Variants in ZSWIM3 observed in about 807,000 individuals in gnomAD.
ZSWIM3 encodes the protein zinc finger SWIM domain-containing protein 3.
A neutral mutation model predicts 47.5 loss-of-function variants in ZSWIM3; 27 were observed. The observed-to-expected ratio is 0.57, with a 90% CI of 0.42 to 0.78. The LOEUF is 0.78. ZSWIM3 is among the 30% of genes least tolerant of loss of function. The pLI, the probability that ZSWIM3 is intolerant of heterozygous loss-of-function variation, is 0.00. For missense variants in ZSWIM3, 689 were observed against 861.3 expected (o/e 0.80, Z 2.50); for synonymous variants, 333 against 333.9 (o/e 1.00, Z 0.03).
At chr20:45,869,623 G>A (rs369001973) in intron 1 of ZSWIM3, among the ~76,000 whole-genome samples, 2 of 152,222 alleles carry the variant, frequency 1.3e-5, no homozygotes, top group Non-Finnish European at 2.9e-5. Context: ...GCCCAGAGGT[G>A]GGCCTCCAAA....
intron 1 of ZSWIM3, among the ~76,000 whole-genome samples, chr20:45,870,332 T>G (rs978215369): frequency 3.9e-5 from 5 of 128,270 alleles, no homozygotes; most frequent in African/African-American, 1.3e-4. Context: ...AGAGGGAGAC[T>G]CCGTCTCAAA....
At chr20:45,859,382 C>T (rs1208175441) in intron 1 of ZSWIM3, among the ~76,000 whole-genome samples, 1 of 139,356 alleles carries the variant, frequency 7.2e-6, no homozygotes, top group Non-Finnish European at 1.5e-5. Flanking sequence ...AACTTGAACT[C>T]AAGCAAACTG....
At chr20:45,873,332 C>T (rs926155665) in intron 1 of ZSWIM3, among the ~76,000 whole-genome samples, 4 of 151,972 alleles carry the variant, frequency 2.6e-5, no homozygotes, top group Non-Finnish European at 4.4e-5. Context: ...ACTCAGGAGG[C>T]AGAGGTTGCA....
Position 45,876,798 on chromosome 20 carries a change from G to A in ZSWIM3, c.240G>A (p.Leu80=), listed in dbSNP as rs192468436. The stretch of plus-strand genomic sequence containing the variant: ...AGGCAGACATGTGCCCAGCGTACTT[G>A]CTCCTAAGGTACAACGAGAGACTAG... ...TREADMCPAY[L]LLRYNERLDR... is the part of the protein sequence containing the mutation. The change falls in exon 2 of 2, where the codon TTG becomes TTA. Residue 80 remains leucine, a synonymous_variant. Coordinates refer to ENST00000255152, the MANE Select transcript of ZSWIM3 (RefSeq NM_080752.4). 6.2e-7 allele frequency: 1 copy of A among 1,614,138 alleles called. No homozygotes were observed. The highest frequency in any genetic ancestry group is 1.1e-5 in the South Asian group (1 of 91,086).
intron 1 of ZSWIM3, among the ~76,000 whole-genome samples, chr20:45,874,755 A>G (rs1986050777): frequency 2.6e-5 from 4 of 152,118 alleles, no homozygotes; most frequent in Admixed American, 6.6e-5. Flanking sequence ...CTGCTTGTCT[A>G]TTTGCCCTCT....
Position 45,877,201 on chromosome 20 carries a change from A to T in ZSWIM3, c.643A>T (p.Ile215Phe). 6.2e-7 allele frequency: 1 copy of T among 1,614,086 alleles called. No homozygotes were observed. Among genetic ancestry groups the T allele is most frequent in the Non-Finnish European group, 8.5e-7 (1 of 1,180,024 alleles). The change falls in exon 2 of 2, where the codon ATC becomes TTC. Residue 215 changes from isoleucine (I) to phenylalanine (F), a missense_variant. Physicochemically the swap from Ile to Phe is conservative, Grantham distance 21. Coordinates refer to ENST00000255152, the MANE Select transcript of ZSWIM3 (RefSeq NM_080752.4). ...FQSSKMTDLFIRFPENLLLHR... is the reference protein window; with the variant it reads ...FQSSKMTDLFFRFPENLLLHR... The stretch of plus-strand genomic sequence containing the variant: ...GAGCAGTAAGATGACCGACCTGTTC[A>T]TCCGCTTCCCAGAGAATCTCTTGCT...
In ZSWIM3 at chr20:45,877,300, G is replaced by A. The variant is rs1466988168; in HGVS notation, c.742G>A (p.Val248Met). The change falls in exon 2 of 2, where the codon GTG becomes ATG. Residue 248 changes from valine (V) to methionine (M), a missense_variant. Val to Met is a conservative substitution (Grantham distance 21, BLOSUM62 1). Transcript: ENST00000255152. ...GGAGAACAAGGAACGAGAAAGTCGA[G>A]TGGTGCACTTTGCTGTGCTCAAGGC... Reference protein sequence around the residue: ...LVENKERESRVVHFAVLKAET... With the variant: ...LVENKERESRMVHFAVLKAET... 2.5e-6 allele frequency: 4 copies of A among 1,614,072 alleles called. No homozygotes were observed. The South Asian group carries it at 3.3e-5, about 13-fold the overall frequency.
At chr20:45,876,413 A>G (rs1250160625) in intron 1 of ZSWIM3, among the ~76,000 whole-genome samples, 1 of 151,974 alleles carries the variant, frequency 6.6e-6, no homozygotes, top group African/African-American at 2.4e-5. Flanking sequence ...AACATGGCTT[A>G]CTGCAGCCTT....
At chr20:45,873,725 A>T (rs917545353) in intron 1 of ZSWIM3, among the ~76,000 whole-genome samples, 4 of 152,188 alleles carry the variant, frequency 2.6e-5, no homozygotes, top group Non-Finnish European at 5.9e-5. Flanking sequence ...TGAACAGCTT[A>T]TGAGTAGTAG....
chr20:45,857,769 G>A lies in ZSWIM3; in HGVS notation c.-57G>A. The A allele has an allele frequency of 6.3e-7, 1 of 1,593,300 alleles. No homozygotes were observed. Among genetic ancestry groups the A allele is most frequent in the Non-Finnish European group, 8.6e-7 (1 of 1,167,694 alleles). On this transcript the variant is annotated 5_prime_UTR_variant, in exon 1 of 2. Transcript: ENST00000255152. ...CCTCATAGTGTGACCTTTGACCCCT[G>A]GTGTGATCTTGGGCCCGGGCTGGGA...
At chr20:45,863,740 G>T (rs932701137) in intron 1 of ZSWIM3, among the ~76,000 whole-genome samples, 1 of 152,220 alleles carries the variant, frequency 6.6e-6, no homozygotes, top group African/African-American at 2.4e-5. Flanking sequence ...GCTCATGCCT[G>T]TAATCCCAGC....
chr20:45,857,651 G>C lies in ZSWIM3; in HGVS notation c.-175G>C, dbSNP rs1256151771. On this transcript the variant is annotated 5_prime_UTR_variant, in exon 1 of 2. Transcript: ENST00000255152. ...ATACACCCCCTTCCTCTTGTAACCCGGTCAGGCCTAGGGTTCCTCCCTGAG... is the reference window on the plus strand; with the variant it reads ...ATACACCCCCTTCCTCTTGTAACCCCGTCAGGCCTAGGGTTCCTCCCTGAG... 3.9e-6 allele frequency: 3 copies of C among 765,462 alleles called. No individual in the cohort carries two copies. Among genetic ancestry groups the C allele is most frequent in the South Asian group, 3.5e-5 (2 of 57,772 alleles). 47.4% of individuals were successfully genotyped at this position (765,462 alleles called of 1,614,324 possible). A position where few individuals can be genotyped will look rare whatever the true frequency, so the allele number is the denominator to read the frequency against.
chr20:45,867,757 A>G (rs540809864), intron 1 of ZSWIM3, among the ~76,000 whole-genome samples: 1 of 152,152 alleles, frequency 6.6e-6, no homozygotes, highest in South Asian at 2.1e-4. Context: ...TTGTTATGCC[A>G]TTTGAGGGAT....
chr20:45,873,186 G>A (rs531592785), intron 1 of ZSWIM3, among the ~76,000 whole-genome samples: 3 of 152,286 alleles, frequency 2.0e-5, no homozygotes, highest in Admixed American at 6.5e-5. Flanking sequence ...CGGATCATCT[G>A]AGGTCAGGAG....
rs201184003 is a variant in ZSWIM3, at chr20:45,876,708, C to A, written c.156-6C>A. On this transcript the variant is annotated splice_region_variant and splice_polypyrimidine_tract_variant and intron_variant, in intron 1 of 1. Coordinates refer to ENST00000255152, the MANE Select transcript of ZSWIM3 (RefSeq NM_080752.4). ...CCTTTCTCATTGTTACCTCTACCTT[C>A]CCTAGGTATGTGCAGGTGAAATTTG... 1 of 1,606,792 alleles carries A rather than the reference C, an allele frequency of 6.2e-7. No homozygotes were observed. The highest frequency in any genetic ancestry group is 8.5e-7 in the Non-Finnish European group (1 of 1,176,034).
chr20:45,870,807 C>T (rs1193190129), intron 1 of ZSWIM3, among the ~76,000 whole-genome samples: 1 of 151,996 alleles, frequency 6.6e-6, no homozygotes, highest in East Asian at 1.9e-4. Flanking sequence ...GATTCTTCTG[C>T]CTCAGCCACC....
chr20:45,870,339 C>A (rs1376921074), intron 1 of ZSWIM3, among the ~76,000 whole-genome samples: 30 of 143,802 alleles, frequency 2.1e-4, no homozygotes, highest in African/African-American at 1.3e-4. Context: ...GACTCCGTCT[C>A]AAAAAAAAAA....
At chr20:45,863,818 T>C (rs1187338896) in intron 1 of ZSWIM3, among the ~76,000 whole-genome samples, 1 of 152,032 alleles carries the variant, frequency 6.6e-6, no homozygotes, top group Non-Finnish European at 1.5e-5. Flanking sequence ...GCCAACATGG[T>C]GAAACCCTTT....
intron 1 of ZSWIM3, among the ~76,000 whole-genome samples, chr20:45,876,486 A>G (rs1986095157): frequency 1.3e-5 from 2 of 151,912 alleles, no homozygotes; most frequent in South Asian, 2.1e-4. Flanking sequence ...CCACAGGAAT[A>G]CACCACCACA....
Sources: allele counts gnomAD v4.1 joint callset (sites outside exome capture counted in the v4.1 genomes callset), GRCh38; gene constraint gnomAD v4.1.1; transcripts MANE v1.5; gene names NCBI Gene and HGNC (gene_info 2026-07-23, HGNC 2026-07-21).